HEATR4: variants seen among roughly 807,000 people sequenced by gnomAD.
HEATR4 encodes HEAT repeat-containing protein 4.
In HEATR4, 95 loss-of-function variants were observed where a neutral mutation model predicts 108.8. That is an observed-to-expected ratio of 0.87 (90% CI 0.74 to 1.04). The LOEUF (loss-of-function observed/expected upper bound fraction) is 1.04, where lower values mean the gene tolerates loss of function less well. Among genes scored for constraint, HEATR4 ranks in the 50% least tolerant of loss-of-function variants. The pLI is 0.00. For missense variants in HEATR4, 1,152 were observed against 1,253.8 expected, an observed-to-expected ratio of 0.92 and a Z score of 1.23; for synonymous variants, 443 against 459.4, an observed-to-expected ratio of 0.96 and a Z score of 0.46.
the HEATR4 span, among the ~76,000 whole-genome samples, chr14:73,590,382 G>T: frequency 9.2e-5 from 14 of 152,252 alleles, no homozygotes; most frequent in Non-Finnish European, 2.1e-4. Context: ...GATTCTCCAA[G>T]TCCCCACCAG....
the HEATR4 span, chr14:73,573,619 A>G: frequency 1.9e-6 from 3 of 1,612,032 alleles, no homozygotes; most frequent in African/African-American, 1.3e-5. Flanking sequence ...TTTATGGGCT[A>G]TGATGTATCA....
chr14:73,573,311 A>G, the HEATR4 span: 5 of 1,595,430 alleles, frequency 3.1e-6, no homozygotes, highest in Admixed American at 5.0e-5. Flanking sequence ...CATGTGTGGT[A>G]AGTATATGTT....
chr14:73,562,234 G>A (rs1461371750), upstream of HEATR4, among the ~76,000 whole-genome samples: 3 of 151,910 alleles, frequency 2.0e-5, no homozygotes, highest in Non-Finnish European at 2.9e-5. Flanking sequence ...CTGGAGCCGC[G>A]GCAGAGGAAC....
At chr14:73,585,316 C>T in the HEATR4 span, among the ~76,000 whole-genome samples, 2 of 152,142 alleles carry the variant, frequency 1.3e-5, no homozygotes, top group African/African-American at 4.8e-5. Context: ...ACACAAGCCT[C>T]CTGCTCAGGA....
the HEATR4 span, among the ~76,000 whole-genome samples, chr14:73,576,866 G>GTTTTT: frequency 7.1e-5 from 5 of 70,530 alleles, no homozygotes; most frequent in Admixed American, 3.1e-4. Context: ...CAATAAACTT[G>GTTTTT]TTTTTTTTTT....
intron 6 of HEATR4, among the ~76,000 whole-genome samples, chr14:73,513,207 C>G (rs1247009170): frequency 2.6e-5 from 4 of 152,184 alleles, no homozygotes; most frequent in Non-Finnish European, 5.9e-5. Flanking sequence ...GCTTGTAATC[C>G]CAGCACTTTG....
chr14:73,590,448 A>G, the HEATR4 span, among the ~76,000 whole-genome samples: 1 of 152,246 alleles, frequency 6.6e-6, no homozygotes, highest in Non-Finnish European at 1.5e-5. Context: ...TCGCAGGTGG[A>G]GCTGCCTGCC....
the HEATR4 span, among the ~76,000 whole-genome samples, chr14:73,621,145 G>A: frequency 6.6e-6 from 1 of 152,036 alleles, no homozygotes; most frequent in Non-Finnish European, 1.5e-5. Flanking sequence ...CTCAGGAGGT[G>A]GAGGTTGCAG....
the HEATR4 span, among the ~76,000 whole-genome samples, chr14:73,591,421 C>A: frequency 2.6e-5 from 4 of 152,094 alleles, no homozygotes. Flanking sequence ...TGGCGCGCGC[C>A]TGTAATCCCA....
rs1200125467 is a variant in HEATR4 at position 73,553,438 on chromosome 14, G to A, written c.-152+5313C>T. Among the ~76,000 whole-genome samples the A allele has an allele frequency of 3.6e-5, 4 of 112,562 alleles. 1 individual carries two copies. The highest frequency in any genetic ancestry group is 7.8e-5 in the Non-Finnish European group (4 of 51,444). 73.8% of individuals were successfully genotyped at this position (112,562 alleles called of 152,430 possible). A position where few individuals can be genotyped will look rare whatever the true frequency, so the allele number is the denominator to read the frequency against. On this transcript the variant is annotated intron_variant, in intron 1 of 17. Transcript: ENST00000553558. The stretch of plus-strand genomic sequence containing the variant: ...AGGCAGGAGAATCACTTGGAACCCA[G>A]AAGGTAGAGGTCCAGTGAGCCGGGA...
At chr14:73,589,491 TG>T in the HEATR4 span, among the ~76,000 whole-genome samples, 1 of 152,092 alleles carries the variant, frequency 6.6e-6, no homozygotes, top group Non-Finnish European at 1.5e-5. Flanking sequence ...CACTAATTTT[TG>T]TATTGTTAGT....
chr14:73,560,318 C>A (rs1177660362), upstream of HEATR4, among the ~76,000 whole-genome samples: 1 of 152,044 alleles, frequency 6.6e-6, no homozygotes, highest in Non-Finnish European at 1.5e-5. Flanking sequence ...TCAAGCTGCA[C>A]TCAGATGGTT....
intron 1 of HEATR4, among the ~76,000 whole-genome samples, chr14:73,540,719 G>T: frequency 8.4e-6 from 1 of 118,822 alleles, no homozygotes; most frequent in South Asian, 2.6e-4. Flanking sequence ...TCTTAAAAGT[G>T]TTGCCTGTAA....
intron 6 of HEATR4, among the ~76,000 whole-genome samples, chr14:73,513,651 C>G (rs906541166): frequency 7.4e-6 from 1 of 135,018 alleles, no homozygotes; most frequent in African/African-American, 2.8e-5. Context: ...TACTTGAAAC[C>G]AGGAAGCAGA....
chr14:73,598,080 A>C, the HEATR4 span, among the ~76,000 whole-genome samples: 412 of 150,880 alleles, frequency 2.7e-3, 2 homozygotes, highest in African/African-American at 9.6e-3. Flanking sequence ...CCTCATCAAA[A>C]GATGGGAGAC....
At chr14:73,614,143 G>A in the HEATR4 span, among the ~76,000 whole-genome samples, 1 of 151,832 alleles carries the variant, frequency 6.6e-6, no homozygotes, top group Non-Finnish European at 1.5e-5. Flanking sequence ...AGAGGTTGCA[G>A]TGAGCTGAGA....
At chr14:73,597,515 G>C in the HEATR4 span, among the ~76,000 whole-genome samples, 66 of 151,404 alleles carry the variant, frequency 4.4e-4, 1 homozygote, top group East Asian at 0.011. Flanking sequence ...CTCCCAAGTA[G>C]CTCAGACTAT....
chr14:73,578,509 A>C, the HEATR4 span, among the ~76,000 whole-genome samples: 1 of 152,066 alleles, frequency 6.6e-6, no homozygotes, highest in African/African-American at 2.4e-5. Context: ...GATTATAGGC[A>C]TGAGCAACCG....
At chr14:73,621,479 G>A in the HEATR4 span, among the ~76,000 whole-genome samples, 1 of 152,142 alleles carries the variant, frequency 6.6e-6, no homozygotes, top group Non-Finnish European at 1.5e-5. Flanking sequence ...GGACCTGTCT[G>A]CCTCAACCTA....
Sources: allele counts gnomAD v4.1 joint callset (sites outside exome capture counted in the v4.1 genomes callset), GRCh38; gene constraint gnomAD v4.1.1; transcripts MANE v1.5; gene names NCBI Gene and HGNC (gene_info 2026-07-23, HGNC 2026-07-21).